LGR6: variants seen among roughly 807,000 people sequenced by gnomAD.
The protein encoded by LGR6 is leucine rich repeat containing G protein-coupled receptor 6.
A neutral mutation model predicts 69.4 loss-of-function variants in LGR6; 45 were observed. The ratio of observed to expected loss-of-function variants is 0.65; its 90% CI spans 0.51 to 0.83. The LOEUF (loss-of-function observed/expected upper bound fraction) is 0.83, where lower values mean the gene tolerates loss of function less well. Among genes scored for constraint, LGR6 ranks in the 40% least tolerant of loss-of-function variants. LGR6 has a pLI of 0.00. For synonymous variants in LGR6, 538 were observed against 555.0 expected (o/e 0.97, Z 0.43); for missense variants, 1,108 against 1,246.7 (o/e 0.89, Z 1.68).
intron 16 of LGR6, among the ~76,000 whole-genome samples, chr1:202,313,645 G>A (rs10218640): frequency 1.3e-5 from 2 of 152,278 alleles, no homozygotes; most frequent in Non-Finnish European, 2.9e-5. Context: ...ACCTGGTGCC[G>A]AATAAGAACT....
At chr1:202,226,311 G>A (rs1033394321) in intron 2 of LGR6, among the ~76,000 whole-genome samples, 8 of 152,192 alleles carry the variant, frequency 5.3e-5, no homozygotes, top group East Asian at 1.9e-4. Flanking sequence ...AGATCCTTGC[G>A]GCTCTAGAAA....
At chr1:202,200,745 A>G (rs1387989922) in intron 1 of LGR6, among the ~76,000 whole-genome samples, 1 of 152,176 alleles carries the variant, frequency 6.6e-6, no homozygotes, top group Non-Finnish European at 1.5e-5. Context: ...CGCCCTTCAG[A>G]CATGGGAGAA....
chr1:202,245,840 C>T (rs1278962910), intron 4 of LGR6, among the ~76,000 whole-genome samples: 9 of 152,084 alleles, frequency 5.9e-5, no homozygotes. Flanking sequence ...GTGCAGAGCC[C>T]TGGCCTGAGT....
intron 1 of LGR6, among the ~76,000 whole-genome samples, chr1:202,198,793 C>G (rs1658735759): frequency 6.6e-6 from 1 of 150,790 alleles, no homozygotes; most frequent in South Asian, 2.1e-4. Flanking sequence ...CCTGCAGGGG[C>G]TACAGATGAG....
At chr1:202,198,596 G>C (rs1464701108) in intron 1 of LGR6, among the ~76,000 whole-genome samples, 5 of 152,260 alleles carry the variant, frequency 3.3e-5, no homozygotes, top group Middle Eastern at 6.8e-3. Flanking sequence ...GTGTGTAGTT[G>C]GGGGCTGTGA....
At position 202,319,526 on chromosome 1, in the gene LGR6, G is replaced by A. The variant is rs913940144; in HGVS notation, c.*319G>A. ...GGGAAGTAAAGACAGTGAAGGGGTG[G>A]AGGGTTGATCAGGGCACAGTGGACA... is the stretch of plus-strand genomic sequence containing the variant. On this transcript the variant is annotated 3_prime_UTR_variant, in exon 18 of 18. Coordinates refer to ENST00000367278, the MANE Select transcript of LGR6 (RefSeq NM_001017403.2). The A allele has an allele frequency of 1.7e-5, 5 of 297,858 alleles. No homozygotes were observed. Among genetic ancestry groups the A allele is most frequent in the Admixed American group, 4.7e-5 (1 of 21,384 alleles). The allele number at this position is 297,858 out of a possible 1,614,324, so 18.5% of individuals were successfully genotyped here.
At chr1:202,317,451 T>C (rs1464278909) in intron 17 of LGR6, among the ~76,000 whole-genome samples, 1 of 152,062 alleles carries the variant, frequency 6.6e-6, no homozygotes, top group Non-Finnish European at 1.5e-5. Context: ...TTCAAGTGAT[T>C]CTTCTGCCTC....
intron 1 of LGR6, among the ~76,000 whole-genome samples, chr1:202,205,369 A>AAC (rs1363960562): frequency 0.13 from 89 of 710 alleles, no homozygotes; most frequent in Middle Eastern, 0.25. Flanking sequence ...CACACCTCCA[A>AAC]ACACACACAC....
At position 202,276,357 on chromosome 1, in the gene LGR6, G is replaced by A; in HGVS notation, c.480G>A (p.Gly160=). The A allele has an allele frequency of 6.2e-7, 1 of 1,614,168 alleles. No individual in the cohort carries two copies. The highest frequency in any genetic ancestry group is 8.5e-7 in the Non-Finnish European group (1 of 1,180,028). The part of the protein sequence containing the change: ...ISLVPERSFE[G]LSSLRHLWLD... ...TGGTCCCGGAGAGGAGCTTTGAGGG[G>A]CTGTCCTCCCTCCGCCACCTCTGGC... The change falls in exon 5 of 18, where the codon GGG becomes GGA. Residue 160 remains glycine, a synonymous_variant. Coordinates refer to ENST00000367278, the MANE Select transcript of LGR6 (RefSeq NM_001017403.2).
rs767641684 is a variant in LGR6, at chr1:202,227,978, A to T, written c.327A>T (p.Ala109=). 2 of 1,613,786 alleles carry T rather than the reference A, an allele frequency of 1.2e-6. No individual in the cohort carries two copies. Among genetic ancestry groups the T allele is most frequent in the Non-Finnish European group, 1.7e-6 (2 of 1,179,666 alleles). ...ATCTCTCACACATCCCAGGACAAGC[A>T]TTCTCTGGTCTCTACAGCCTGAAAA... ...GNHLSHIPGQ[A]FSGLYSLKIL... The change falls in exon 3 of 18, where the codon GCA becomes GCT. Residue 109 remains alanine, a synonymous_variant. Transcript: ENST00000367278.
chr1:202,299,712 G>A (rs142197353), intron 7 of LGR6, among the ~76,000 whole-genome samples: 59 of 152,128 alleles, frequency 3.9e-4, no homozygotes, highest in Middle Eastern at 3.2e-3. Context: ...GTGTCTGAGC[G>A]TGAAGCTGTG....
chr1:202,307,453 T>C, intron 14 of LGR6, 52 bp downstream of exon 14: 1 of 1,561,120 alleles, frequency 6.4e-7, no homozygotes, highest in Non-Finnish European at 8.8e-7. Flanking sequence ...GTCGGGACTA[T>C]GGGCTGGCCA....
intron 15 of LGR6, among the ~76,000 whole-genome samples, chr1:202,309,503 T>C (rs1272928038): frequency 6.6e-6 from 1 of 152,260 alleles, no homozygotes; most frequent in Non-Finnish European, 1.5e-5. Context: ...CCAGATTATC[T>C]GTCCTCACTT....
chr1:202,232,992 G>A (rs1571856718), intron 3 of LGR6, among the ~76,000 whole-genome samples: 1 of 152,200 alleles, frequency 6.6e-6, no homozygotes, highest in Non-Finnish European at 1.5e-5. Flanking sequence ...GGGACATCAA[G>A]GGAAATGGGT....
intron 16 of LGR6, among the ~76,000 whole-genome samples, chr1:202,311,028 G>T (rs1015689854): frequency 6.6e-6 from 1 of 152,048 alleles, no homozygotes; most frequent in South Asian, 2.1e-4. Context: ...CAGCCAAGGG[G>T]GTTCTGAGGG....
At chr1:202,292,314 A>G (rs957709080) in intron 6 of LGR6, among the ~76,000 whole-genome samples, 1 of 152,232 alleles carries the variant, frequency 6.6e-6, no homozygotes, top group Non-Finnish European at 1.5e-5. Context: ...TCACACTGCC[A>G]GGGTTCAAAT....
intron 4 of LGR6, among the ~76,000 whole-genome samples, chr1:202,272,447 G>A (rs1665182349): frequency 6.6e-6 from 1 of 152,104 alleles, no homozygotes; most frequent in Non-Finnish European, 1.5e-5. Context: ...CAGTTCCCAA[G>A]TACCAGGAGC....
intron 4 of LGR6, among the ~76,000 whole-genome samples, chr1:202,269,408 T>G (rs1664918777): frequency 1.3e-5 from 2 of 152,192 alleles, no homozygotes; most frequent in African/African-American, 4.8e-5. Flanking sequence ...TTCTCTGAGC[T>G]TTCAGCATCT....
chr1:202,293,839 T>C (rs1406462995), intron 6 of LGR6, among the ~76,000 whole-genome samples: 2 of 152,214 alleles, frequency 1.3e-5, no homozygotes, highest in East Asian at 3.8e-4. Flanking sequence ...AGACTTGTAG[T>C]TCACATGCCT....
Sources: allele counts gnomAD v4.1 joint callset (sites outside exome capture counted in the v4.1 genomes callset), GRCh38; gene constraint gnomAD v4.1.1; transcripts MANE v1.5; gene names NCBI Gene and HGNC (gene_info 2026-07-23, HGNC 2026-07-21).